ATP6V1C1: variants seen among roughly 807,000 people sequenced by gnomAD.
ATP6V1C1 encodes V-type proton ATPase subunit C 1.
Under a neutral mutation model 53.9 loss-of-function variants are expected in ATP6V1C1, and 45 were observed. The ratio of observed to expected loss-of-function variants is 0.83; its 90% CI spans 0.66 to 1.07. The LOEUF (loss-of-function observed/expected upper bound fraction) is 1.07, where lower values mean the gene tolerates loss of function less well. ATP6V1C1 is among the 50% of genes least tolerant of loss of function. ATP6V1C1 has a pLI of 0.00. For synonymous variants in ATP6V1C1, 153 were observed against 155.2 expected, an observed-to-expected ratio of 0.99 and a Z score of 0.11; for missense variants, 315 against 440.3, an observed-to-expected ratio of 0.72 and a Z score of 2.55.
chr8:103,039,214 G>A (rs1025573834), intron 1 of ATP6V1C1, among the ~76,000 whole-genome samples: 2 of 152,132 alleles, frequency 1.3e-5, no homozygotes, highest in African/African-American at 4.8e-5. Context: ...AGATAATAAT[G>A]CATTTAAAGC....
intron 5 of ATP6V1C1, among the ~76,000 whole-genome samples, chr8:103,051,745 A>G (rs1817204164): frequency 6.6e-6 from 1 of 151,918 alleles, no homozygotes; most frequent in African/African-American, 2.4e-5. Context: ...ACTTGAGAGG[A>G]AAAAAAAGTC....
At chr8:103,064,679 G>A in intron 10 of ATP6V1C1, 35 bp from the exon 11 acceptor site, 2 of 1,581,814 alleles carry the variant, frequency 1.3e-6, no homozygotes, top group South Asian at 2.3e-5. Context: ...CTATTTCTAA[G>A]ACCAAATTTG....
intron 8 of ATP6V1C1, among the ~76,000 whole-genome samples, chr8:103,060,802 C>T (rs2515202): frequency 0.038 from 5,791 of 152,206 alleles, 120 homozygotes; most frequent in East Asian, 0.046. Flanking sequence ...TTTTCACCAT[C>T]AGGATTTTGA....
At chr8:103,041,383 T>G (rs1816997801) in intron 2 of ATP6V1C1, among the ~76,000 whole-genome samples, 1 of 152,192 alleles carries the variant, frequency 6.6e-6, no homozygotes, top group African/African-American at 2.4e-5. Context: ...CTAACCCAGT[T>G]ATTTAATCCG....
At chr8:103,035,547 G>A (rs1318365963) in intron 1 of ATP6V1C1, among the ~76,000 whole-genome samples, 1 of 152,152 alleles carries the variant, frequency 6.6e-6, no homozygotes, top group Non-Finnish European at 1.5e-5. Flanking sequence ...AGTAAGCAAA[G>A]GATATTTCTC....
intron 8 of ATP6V1C1, among the ~76,000 whole-genome samples, chr8:103,057,477 A>G (rs1817308865): frequency 6.6e-6 from 1 of 152,240 alleles, no homozygotes; most frequent in African/African-American, 2.4e-5. Context: ...CATGCAGGAA[A>G]GGTCAAAAGG....
intron 1 of ATP6V1C1, among the ~76,000 whole-genome samples, chr8:103,032,693 G>T (rs1222029408): frequency 6.6e-6 from 1 of 152,056 alleles, no homozygotes; most frequent in Non-Finnish European, 1.5e-5. Flanking sequence ...GGCTAGACTG[G>T]TTTCGAACTC....
intron 1 of ATP6V1C1, among the ~76,000 whole-genome samples, chr8:103,024,992 C>G (rs1816669059): frequency 6.6e-6 from 1 of 151,942 alleles, no homozygotes; most frequent in Non-Finnish European, 1.5e-5. Flanking sequence ...AGGAGAAGTG[C>G]TTTGGTTACA....
chr8:103,025,005 G>A, intron 1 of ATP6V1C1, among the ~76,000 whole-genome samples: 1 of 152,006 alleles, frequency 6.6e-6, no homozygotes, highest in Non-Finnish European at 1.5e-5. Context: ...TGGTTACATC[G>A]GGGATAAAAG....
In ATP6V1C1 at chr8:103,051,161, G is replaced by C; in HGVS notation, c.381+17G>C. 1 of 1,506,602 alleles carries C rather than the reference G, an allele frequency of 6.6e-7. No individual in the cohort carries two copies. 93.3% of individuals were successfully genotyped at this position (1,506,602 alleles called of 1,614,324 possible). Reference sequence around the variant, plus strand: ...ATTGCCAAGGTAAGATAATACTTGAGACAAGTAGGACACATTGATTTGTAG... The same window carrying C: ...ATTGCCAAGGTAAGATAATACTTGACACAAGTAGGACACATTGATTTGTAG... On this transcript the variant is annotated intron_variant, in intron 5 of 12. Transcript: ENST00000518738.
chr8:103,067,606 T>C (rs1204208787), intron 12 of ATP6V1C1, among the ~76,000 whole-genome samples: 30 of 148,814 alleles, frequency 2.0e-4, no homozygotes, highest in Non-Finnish European at 3.7e-4. Context: ...TTCTTTTTTT[T>C]TTTTTTTTTT....
chr8:103,034,863 G>C (rs1381072582), intron 1 of ATP6V1C1, among the ~76,000 whole-genome samples: 1 of 152,158 alleles, frequency 6.6e-6, no homozygotes, highest in Non-Finnish European at 1.5e-5. Flanking sequence ...GAGCCACTGT[G>C]CCTGGCCTCA....
In ATP6V1C1 at chr8:103,054,032, T is replaced by C. The variant is rs188668480; in HGVS notation, c.572+50T>C. On this transcript the variant is annotated intron_variant, in intron 7 of 12. Coordinates refer to ENST00000518738, the MANE Select transcript of ATP6V1C1 (RefSeq NM_001695.5). ...TTTACTTGTTAAAATACAAGAAAAA[T>C]GTTAGTATCTAGTATTGTAGTTTGA... The C allele has an allele frequency of 5.7e-4, 806 of 1,408,808 alleles. 7 individuals are homozygous for C. The Admixed American group carries it at 0.014, about 25-fold the overall frequency. 87.3% of individuals were successfully genotyped at this position (1,408,808 alleles called of 1,614,324 possible).
chr8:103,049,216 A>G (rs1009050400), intron 4 of ATP6V1C1, among the ~76,000 whole-genome samples: 2 of 152,220 alleles, frequency 1.3e-5, no homozygotes, highest in African/African-American at 2.4e-5. Context: ...CAAGAGCAGT[A>G]TTGTAAAGGT....
At chr8:103,027,874 G>T (rs560672993) in intron 1 of ATP6V1C1, among the ~76,000 whole-genome samples, 1 of 151,862 alleles carries the variant, frequency 6.6e-6, no homozygotes, top group Non-Finnish European at 1.5e-5. Context: ...CTGCCTGCTC[G>T]TAAGACCTGC....
intron 1 of ATP6V1C1, among the ~76,000 whole-genome samples, chr8:103,032,110 A>AT (rs1348209786): frequency 6.6e-6 from 1 of 152,218 alleles, no homozygotes; most frequent in East Asian, 1.9e-4. Flanking sequence ...AAGCCACAGA[A>AT]TGAGAGAAAA....
Position 103,059,536 on chromosome 8 carries a change from C to G in ATP6V1C1, c.642-3419C>G, listed in dbSNP as rs186173676. Among the ~76,000 whole-genome samples, 109 of 151,738 alleles carry G rather than the reference C, an allele frequency of 7.2e-4. 1 individual carries two copies. Among genetic ancestry groups the G allele is most frequent in the Non-Finnish European group, 1.3e-3 (85 of 67,900 alleles). ...CACCCCCCTCCCCCCACCGGCCCCC[C>G]ACCTGAAATAGTCTAATCAGTTATG... On this transcript the variant is annotated intron_variant, in intron 8 of 12. Transcript: ENST00000518738.
chr8:103,037,327 A>G (rs975550731), intron 1 of ATP6V1C1, among the ~76,000 whole-genome samples: 3 of 152,094 alleles, frequency 2.0e-5, no homozygotes, highest in African/African-American at 4.8e-5. Flanking sequence ...TACTTTTTTA[A>G]ATTTATTTTT....
chr8:103,051,194 G>A, intron 5 of ATP6V1C1, 50 bp downstream of exon 5: 6 of 1,330,672 alleles, frequency 4.5e-6, no homozygotes, highest in Non-Finnish European at 5.2e-6. Context: ...TAGTGGCTTT[G>A]CTTATTTTAT....
Sources: gnomAD v4.1 joint callset for allele counts (sites outside exome capture counted in the v4.1 genomes callset) on GRCh38, gnomAD v4.1.1 for gene constraint, MANE v1.5 for transcripts, NCBI Gene and HGNC (gene_info 2026-07-23, HGNC 2026-07-21) for gene names.